The following PLXDC2 variants were observed in gnomAD, a reference collection of about 807,000 sequenced individuals.
PLXDC2 encodes the protein plexin domain-containing protein 2.
A neutral mutation model predicts 68.9 loss-of-function variants in PLXDC2; 40 were observed. The observed-to-expected ratio is 0.58, with a 90% CI of 0.45 to 0.76. The LOEUF is 0.76. Ranked by LOEUF, PLXDC2 falls within the 30% of genes least tolerant of loss-of-function variation. The pLI is 0.00. For missense variants in PLXDC2, 644 were observed against 661.9 expected, an observed-to-expected ratio of 0.97 and a Z score of 0.30; for synonymous variants, 243 against 234.2, an observed-to-expected ratio of 1.04 and a Z score of -0.34.
chr10:19,886,993 T>A (rs2131356261), intron 1 of PLXDC2, among the ~76,000 whole-genome samples: 1 of 152,282 alleles, frequency 6.6e-6, no homozygotes, highest in South Asian at 2.1e-4. Context: ...AAAAACATAG[T>A]GTCTCAGTAT....
At chr10:20,174,288 C>G (rs144794721) in intron 7 of PLXDC2, among the ~76,000 whole-genome samples, 2 of 148,090 alleles carry the variant, frequency 1.4e-5, no homozygotes, top group African/African-American at 4.9e-5. Flanking sequence ...GATGAGCCAT[C>G]TTTTTATTTG....
At chr10:20,214,719 T>G (rs1835113306) in intron 10 of PLXDC2, among the ~76,000 whole-genome samples, 1 of 152,168 alleles carries the variant, frequency 6.6e-6, no homozygotes, top group Non-Finnish European at 1.5e-5. Context: ...AGGAGGGCTA[T>G]TTAGTTCCTT....
At position 19,816,896 on chromosome 10, in the gene PLXDC2, C is replaced by T. The variant is rs566254866; in HGVS notation, c.-184C>T. 17 of 600,856 alleles carry T rather than the reference C, an allele frequency of 2.8e-5. No homozygotes were observed. Among genetic ancestry groups the T allele is most frequent in the Non-Finnish European group, 4.7e-5 (16 of 338,300 alleles). 37.2% of individuals were successfully genotyped at this position (600,856 alleles called of 1,614,324 possible). ...CAGAGGTCCGAAGAGCGCTGCGCTC[C>T]TACTCGCGTTCGCTTCTTCCTCTTC... On this transcript the variant is annotated 5_prime_UTR_variant, in exon 1 of 14. Transcript: ENST00000377252.
chr10:19,886,138 TG>T (rs1457955983), intron 1 of PLXDC2, among the ~76,000 whole-genome samples: 1 of 152,194 alleles, frequency 6.6e-6, no homozygotes, highest in Non-Finnish European at 1.5e-5. Context: ...ATTTCACTCA[TG>T]ATTTGGCTCT....
intron 4 of PLXDC2, among the ~76,000 whole-genome samples, chr10:20,132,780 A>G (rs1444601786): frequency 6.6e-6 from 1 of 152,112 alleles, no homozygotes; most frequent in Admixed American, 6.5e-5. Context: ...TAAAAAAAAA[A>G]AATCCATTCA....
At chr10:19,863,235 G>A (rs1265856765) in intron 1 of PLXDC2, among the ~76,000 whole-genome samples, 2 of 152,034 alleles carry the variant, frequency 1.3e-5, no homozygotes, top group African/African-American at 4.8e-5. Context: ...GATGAATCTT[G>A]GATCTTGGGT....
rs967376797 is a variant in PLXDC2 at position 20,027,902 on chromosome 10, C to T, written c.325-18967C>T. 2.0e-5 allele frequency among the ~76,000 whole-genome samples: 3 copies of T among 151,962 alleles called. No individual in the cohort carries two copies. In the East Asian group the frequency reaches 5.8e-4, roughly 29 times the overall value. ...GAGATTGATTTCAACACAGGTAGAA[C>T]TTTAGGAGTCACCATTTCAAAAACA... On this transcript the variant is annotated intron_variant, in intron 2 of 13. Coordinates refer to ENST00000377252, the MANE Select transcript of PLXDC2 (RefSeq NM_032812.9).
At chr10:20,043,112 AATGTCAC>A (rs1426604413) in intron 2 of PLXDC2, among the ~76,000 whole-genome samples, 1 of 152,186 alleles carries the variant, frequency 6.6e-6, no homozygotes, top group Non-Finnish European at 1.5e-5. Flanking sequence ...CTAGTGCTAA[AATGTCAC>A]ATTTTTGAGA....
intron 9 of PLXDC2, among the ~76,000 whole-genome samples, chr10:20,181,334 A>T (rs1000131777): frequency 6.6e-6 from 1 of 152,018 alleles, no homozygotes; most frequent in Non-Finnish European, 1.5e-5. Flanking sequence ...CTAAACACTG[A>T]GGTAGTTAGA....
chr10:20,120,987 G>A (rs927471097), intron 4 of PLXDC2, among the ~76,000 whole-genome samples: 1 of 152,130 alleles, frequency 6.6e-6, no homozygotes, highest in African/African-American at 2.4e-5. Context: ...TGAATGTCAG[G>A]TGGATCAGAG....
At chr10:20,264,009 G>C (rs1425068471) in intron 13 of PLXDC2, among the ~76,000 whole-genome samples, 1 of 152,064 alleles carries the variant, frequency 6.6e-6, no homozygotes, top group Admixed American at 6.6e-5. Context: ...AAAGACACAT[G>C]CACTCAAATG....
intron 1 of PLXDC2, among the ~76,000 whole-genome samples, chr10:19,844,009 T>C (rs890038417): frequency 1.3e-5 from 2 of 152,156 alleles, no homozygotes; most frequent in African/African-American, 4.8e-5. Context: ...TTATATATTC[T>C]ACACATGTGA....
At chr10:19,961,230 T>C (rs980356225) in intron 1 of PLXDC2, among the ~76,000 whole-genome samples, 4 of 152,240 alleles carry the variant, frequency 2.6e-5, no homozygotes, top group African/African-American at 9.6e-5. Flanking sequence ...TGCAAACTCA[T>C]TGTTTTCAAG....
In PLXDC2 at chr10:20,198,826, G is replaced by A. The variant is rs1422239450; in HGVS notation, c.1062-12843G>A. On this transcript the variant is annotated intron_variant, in intron 9 of 13. Coordinates refer to ENST00000377252, the MANE Select transcript of PLXDC2 (RefSeq NM_032812.9). ...ATATGAAGAAGACACAAGGCAGAAAGCGATTAATGATTTATTCTCCCAAAG... is the reference window on the plus strand; with the variant it reads ...ATATGAAGAAGACACAAGGCAGAAAACGATTAATGATTTATTCTCCCAAAG... 4.6e-5 allele frequency among the ~76,000 whole-genome samples: 7 copies of A among 152,184 alleles called. No homozygotes were observed. The South Asian group carries it at 1.0e-3, about 23-fold the overall frequency.
rs1834736736 is a variant in PLXDC2 at position 20,189,568 on chromosome 10, T to TATAC, written c.1061+12160_1061+12161insTACA. On this transcript the variant is annotated intron_variant, in intron 9 of 13. Coordinates refer to ENST00000377252, the MANE Select transcript of PLXDC2 (RefSeq NM_032812.9). ...ACACACACACACACATATATATATA[T>TATAC]ACACATATATATAAAAGTTTATTAG... 6.2e-5 allele frequency among the ~76,000 whole-genome samples: 9 copies of TATAC among 145,346 alleles called. No homozygotes were observed. In the South Asian group the frequency reaches 6.4e-4, roughly 10 times the overall value.
intron 9 of PLXDC2, among the ~76,000 whole-genome samples, chr10:20,196,662 G>T (rs564633848): frequency 1.2e-4 from 19 of 152,246 alleles, no homozygotes; most frequent in Non-Finnish European, 2.2e-4. Flanking sequence ...TAAAGTTCAT[G>T]TTCCTTCCAC....
At chr10:20,119,147 G>C (rs1406736220) in intron 4 of PLXDC2, among the ~76,000 whole-genome samples, 1 of 152,100 alleles carries the variant, frequency 6.6e-6, no homozygotes, top group Non-Finnish European at 1.5e-5. Flanking sequence ...TAACGAACAT[G>C]TAAGAGACAT....
At chr10:19,906,081 T>C (rs1024657373) in intron 1 of PLXDC2, among the ~76,000 whole-genome samples, 4 of 151,794 alleles carry the variant, frequency 2.6e-5, no homozygotes, top group Non-Finnish European at 5.9e-5. Flanking sequence ...AAGTGAATGA[T>C]AGGGCATGTT....
chr10:19,970,727 G>A (rs1361996614), intron 1 of PLXDC2, among the ~76,000 whole-genome samples: 3 of 152,108 alleles, frequency 2.0e-5, no homozygotes, highest in Non-Finnish European at 4.4e-5. Flanking sequence ...GTAGCTCCCA[G>A]GTATACTGCC....
Sources: allele counts gnomAD v4.1 joint callset (sites outside exome capture counted in the v4.1 genomes callset), GRCh38; gene constraint gnomAD v4.1.1; transcripts MANE v1.5; gene names NCBI Gene and HGNC (gene_info 2026-07-23, HGNC 2026-07-21).